LVRN: variants seen among roughly 807,000 people sequenced by gnomAD.
LVRN encodes the protein laeverin.
Under a neutral mutation model 111.4 loss-of-function variants are expected in LVRN, and 99 were observed. The ratio of observed to expected loss-of-function variants is 0.89; its 90% CI spans 0.76 to 1.05. The LOEUF is 1.05. Ranked by LOEUF, LVRN falls within the 50% of genes least tolerant of loss-of-function variation. LVRN has a pLI of 0.00. For synonymous variants in LVRN, 488 were observed against 449.5 expected, an observed-to-expected ratio of 1.09 and a Z score of -1.08; for missense variants, 1,414 against 1,206.8, an observed-to-expected ratio of 1.17 and a Z score of -2.54.
intron 13 of LVRN, among the ~76,000 whole-genome samples, chr5:116,007,163 T>C (rs191315915): frequency 6.6e-6 from 1 of 152,350 alleles, no homozygotes; most frequent in East Asian, 1.9e-4. Flanking sequence ...TTGAATTTCA[T>C]TCTGTCTTCT....
intron 13 of LVRN, among the ~76,000 whole-genome samples, chr5:116,008,050 T>C (rs982512197): frequency 1.3e-5 from 2 of 152,056 alleles, no homozygotes; most frequent in Non-Finnish European, 2.9e-5. Context: ...ATCAGTACTA[T>C]TGAAATTAGG....
chr5:115,965,330 GT>G (rs1262713144), intron 1 of LVRN, among the ~76,000 whole-genome samples: 1 of 152,170 alleles, frequency 6.6e-6, no homozygotes, highest in Non-Finnish European at 1.5e-5. Flanking sequence ...ATAGATTTTA[GT>G]TTTGTAAGGT....
At chr5:115,994,872 T>A (rs1450847049) in intron 6 of LVRN, among the ~76,000 whole-genome samples, 1 of 152,206 alleles carries the variant, frequency 6.6e-6, no homozygotes, top group Non-Finnish European at 1.5e-5. Flanking sequence ...ATATAAACCT[T>A]ACTTCTGTTA....
chr5:116,000,554 A>G (rs1207287918), intron 8 of LVRN, 39 bp from the exon 9 acceptor site: 2 of 1,612,834 alleles, frequency 1.2e-6, no homozygotes, highest in Non-Finnish European at 1.7e-6. Flanking sequence ...TTCCATTGGC[A>G]TGCTATTTAT....
chr5:115,998,468 A>G (rs1190811903), intron 6 of LVRN, among the ~76,000 whole-genome samples: 1 of 152,228 alleles, frequency 6.6e-6, no homozygotes, highest in African/African-American at 2.4e-5. Context: ...GATGAAAAAG[A>G]ACTACACTAA....
intron 19 of LVRN, among the ~76,000 whole-genome samples, chr5:116,024,452 C>A (rs1285376929): frequency 1.3e-5 from 2 of 152,104 alleles, no homozygotes; most frequent in African/African-American, 4.8e-5. Context: ...CTGCTAATTC[C>A]CGAAGAAATT....
intron 14 of LVRN, among the ~76,000 whole-genome samples, chr5:116,011,936 C>A (rs1342732386): frequency 6.6e-6 from 1 of 151,768 alleles, no homozygotes; most frequent in Non-Finnish European, 1.5e-5. Flanking sequence ...GGACATAAAC[C>A]AGTTCTTTTT....
chr5:116,021,001 A>G (rs570809363), intron 18 of LVRN: 13 of 152,352 alleles, frequency 8.5e-5, no homozygotes, highest in African/African-American at 2.9e-4. Flanking sequence ...GTAATATTTG[A>G]AAGAGATTGC....
intron 1 of LVRN, among the ~76,000 whole-genome samples, chr5:115,978,452 AAATTTAGTCTGTGGGGT>A (rs1433982160): frequency 1.3e-5 from 2 of 152,168 alleles, no homozygotes; most frequent in Admixed American, 1.3e-4. Flanking sequence ...TTACAGTGGG[AAATTTAGTCTGTGGGGT>A]AACTTTTCTG....
intron 6 of LVRN, among the ~76,000 whole-genome samples, chr5:115,994,849 A>G (rs937044568): frequency 6.6e-6 from 1 of 152,168 alleles, no homozygotes; most frequent in Non-Finnish European, 1.5e-5. Context: ...TTTAGACTTA[A>G]TGTTATCTTT....
At chr5:116,015,933 T>G (rs916699693) in intron 18 of LVRN, among the ~76,000 whole-genome samples, 168 bp downstream of exon 18, 4 of 152,222 alleles carry the variant, frequency 2.6e-5, no homozygotes, top group Non-Finnish European at 5.9e-5. Context: ...CACTACAAAC[T>G]GCCTGTGTTA....
At chr5:116,018,683 AG>A (rs200194329) in intron 18 of LVRN, among the ~76,000 whole-genome samples, 5 of 152,026 alleles carry the variant, frequency 3.3e-5, no homozygotes, top group African/African-American at 1.2e-4. Context: ...TCTCCAAAAA[AG>A]AAAGATATGC....
chr5:116,000,959 C>G, intron 9 of LVRN, 108 bp from the exon 10 acceptor site: 1 of 1,277,264 alleles, frequency 7.8e-7, no homozygotes, highest in Admixed American at 2.4e-5. Context: ...TGCAGGACTA[C>G]TACATAAGTG....
At chr5:115,993,693 TAAA>T in intron 5 of LVRN, 45 bp from the exon 6 acceptor site, 1 of 1,264,292 alleles carries the variant, frequency 7.9e-7, no homozygotes, top group Non-Finnish European at 1.1e-6. Flanking sequence ...GAATATAACT[TAAA>T]AATTAAATTT....
intron 4 of LVRN, among the ~76,000 whole-genome samples, chr5:115,990,311 C>G (rs916947742): frequency 6.6e-6 from 1 of 152,052 alleles, no homozygotes; most frequent in Non-Finnish European, 1.5e-5. Flanking sequence ...TATTAGACTC[C>G]TATGTATTTT....
chr5:115,965,390 C>A (rs1375404793), intron 1 of LVRN, among the ~76,000 whole-genome samples: 1 of 152,132 alleles, frequency 6.6e-6, no homozygotes, highest in African/African-American at 2.4e-5. Flanking sequence ...GTTCTTAACA[C>A]TACTGAACTA....
intron 10 of LVRN, 90 bp downstream of exon 10, chr5:116,001,329 C>A (rs973955745): frequency 7.1e-7 from 1 of 1,416,924 alleles, no homozygotes; most frequent in Non-Finnish European, 9.8e-7. Context: ...GAAGCGTTAC[C>A]CCCGCTGGGC....
Position 115,984,609 on chromosome 5 carries a change from C to T in LVRN, c.878C>T (p.Thr293Ile). ...GAAGATGTGAATGGAAGCAAATGGACTGTTACAACCTTTTCCACTACGCCC... is the reference window on the plus strand; with the variant it reads ...GAAGATGTGAATGGAAGCAAATGGATTGTTACAACCTTTTCCACTACGCCC... Reference protein sequence around the residue: ...EKEDVNGSKWTVTTFSTTPHM... With the variant: ...EKEDVNGSKWIVTTFSTTPHM... The change falls in exon 3 of 20, where the codon ACT becomes ATT. Residue 293 changes from threonine (T) to isoleucine (I), a missense_variant. Coordinates refer to ENST00000357872, the MANE Select transcript of LVRN (RefSeq NM_173800.5). The T allele has an allele frequency of 1.2e-6, 2 of 1,613,638 alleles. No homozygotes were observed. The highest frequency in any genetic ancestry group is 2.2e-5 in the South Asian group (2 of 91,074).
intron 1 of LVRN, among the ~76,000 whole-genome samples, chr5:115,965,396 AACTATTAT>A (rs1172794531): frequency 2.0e-5 from 3 of 152,236 alleles, no homozygotes; most frequent in African/African-American, 7.2e-5. Context: ...AACACTACTG[AACTATTAT>A]ACACTTAAAA....
Sources: allele counts gnomAD v4.1 joint callset (sites outside exome capture counted in the v4.1 genomes callset), GRCh38; gene constraint gnomAD v4.1.1; transcripts MANE v1.5; gene names NCBI Gene and HGNC (gene_info 2026-07-23, HGNC 2026-07-21).